FAM221A: variants seen among roughly 807,000 people sequenced by gnomAD.
FAM221A encodes the protein family with sequence similarity 221 member A, also known as protein FAM221A.
Under a neutral mutation model 37.6 loss-of-function variants are expected in FAM221A, and 43 were observed. The ratio of observed to expected loss-of-function variants is 1.15; its 90% confidence interval spans 0.90 to 1.48. The LOEUF (loss-of-function observed/expected upper bound fraction) is 1.48, where lower values mean the gene tolerates loss of function less well. FAM221A is among the 40% of genes most tolerant of loss of function. The pLI, the probability that FAM221A is intolerant of heterozygous loss-of-function variation, is 0.00. For missense variants in FAM221A, 361 were observed against 361.5 expected (o/e 1.00, Z 0.01); for synonymous variants, 135 against 132.9 (o/e 1.02, Z -0.11).
intron 3 of FAM221A, among the ~76,000 whole-genome samples, chr7:23,689,753 G>A (rs758608480): frequency 3.3e-5 from 5 of 152,126 alleles, no homozygotes; most frequent in Non-Finnish European, 4.4e-5. Context: ...AGAATTGCCA[G>A]ATGTGATCTG....
At chr7:23,686,206 T>C in intron 2 of FAM221A, 1 of 330,836 alleles carries the variant, frequency 3.0e-6, no homozygotes, top group Non-Finnish European at 5.8e-6. Context: ...TTAGTGCCAC[T>C]TTCTAATCTC....
chr7:23,700,776 TCC>T lies in FAM221A; in HGVS notation c.746-9_746-8del. The T allele has an allele frequency of 6.5e-7, 1 of 1,546,956 alleles. No individual in the cohort carries two copies. Among genetic ancestry groups the T allele is most frequent in the Admixed American group, 2.0e-5 (1 of 50,294 alleles). Reference sequence around the variant, plus strand: ...ATAAATACATTACTTAGATTTTTTTTCCTTGTTAGTAGGTACAAGTAGTCAAG... The same window carrying T: ...ATAAATACATTACTTAGATTTTTTTTTTGTTAGTAGGTACAAGTAGTCAAG... On this transcript the variant is annotated splice_polypyrimidine_tract_variant and splice_region_variant and intron_variant, in intron 5 of 6. Coordinates refer to ENST00000344962, the MANE Select transcript of FAM221A (RefSeq NM_199136.5).
intron 2 of FAM221A, chr7:23,688,865 A>G (rs1349358775): frequency 6.5e-6 from 1 of 152,860 alleles, no homozygotes; most frequent in East Asian, 1.9e-4. Context: ...CGAACTCCCG[A>G]CCTCAGGTGA....
At chr7:23,692,542 A>T in intron 4 of FAM221A, 1 of 357,616 alleles carries the variant, frequency 2.8e-6, no homozygotes, top group Non-Finnish European at 3.9e-6. Context: ...GGGTTTCTCC[A>T]TGTTGGTCAG....
chr7:23,680,929 G>A (rs1384590126), intron 1 of FAM221A: 1 of 152,262 alleles, frequency 6.6e-6, no homozygotes, highest in East Asian at 1.9e-4. Context: ...CGGAGTTGGG[G>A]CGGGAGGATG....
chr7:23,697,875 C>A (rs368003961), intron 4 of FAM221A, among the ~76,000 whole-genome samples: 3 of 152,184 alleles, frequency 2.0e-5, no homozygotes, highest in East Asian at 3.9e-4. Context: ...CTTTACCCTT[C>A]CAAGTAGGTA....
At chr7:23,688,194 AC>A (rs1372222932) in intron 2 of FAM221A, 15 of 152,014 alleles carry the variant, frequency 9.9e-5, no homozygotes, top group Admixed American at 9.8e-4. Flanking sequence ...ACAGGTGCCC[AC>A]CACCACGCTC....
rs775824411 is a variant in FAM221A at position 23,680,234 on chromosome 7, T to G, written c.16T>G (p.Leu6Val). The G allele has an allele frequency of 6.5e-7, 1 of 1,549,708 alleles. No individual in the cohort carries two copies. Among genetic ancestry groups the G allele is most frequent in the African/African-American group, 1.4e-5 (1 of 72,912 alleles). MERLT[L>V]PLGGAAAVDE... Reference sequence around the variant, plus strand: ...CCCACCGGCAATGGAGCGGTTGACGTTGCCTCTCGGCGGCGCGGCGGCGGT... The same window carrying G: ...CCCACCGGCAATGGAGCGGTTGACGGTGCCTCTCGGCGGCGCGGCGGCGGT... Residue 6 changes from leucine (L) to valine (V), a missense_variant, in exon 1 of 7, where the codon TTG becomes GTG. Coordinates refer to ENST00000344962, the MANE Select transcript of FAM221A (RefSeq NM_199136.5).
intron 2 of FAM221A, chr7:23,686,861 C>G (rs893342405): frequency 2.6e-5 from 4 of 152,054 alleles, no homozygotes; most frequent in African/African-American, 9.7e-5. Flanking sequence ...CCTCAGCTCA[C>G]TACAACCTCT....
intron 5 of FAM221A, 118 bp downstream of exon 5, chr7:23,698,417 AGCTATC>A: frequency 1.5e-6 from 1 of 662,320 alleles, no homozygotes; most frequent in Non-Finnish European, 2.6e-6. Flanking sequence ...CTTCAAGTTA[AGCTATC>A]ATTTTACTTT....
At chr7:23,681,519 A>G (rs977237289) in intron 1 of FAM221A, among the ~76,000 whole-genome samples, 2 of 152,088 alleles carry the variant, frequency 1.3e-5, no homozygotes, top group African/African-American at 4.8e-5. Flanking sequence ...TCCTGGGTTC[A>G]AGTGATTCTC....
intron 3 of FAM221A, among the ~76,000 whole-genome samples, chr7:23,691,032 A>G (rs1453660135): frequency 6.6e-6 from 1 of 151,940 alleles, no homozygotes; most frequent in African/African-American, 2.4e-5. Context: ...TTTTATGGGG[A>G]GTTGATCTGT....
intron 2 of FAM221A, chr7:23,686,409 G>A (rs914584304): frequency 4.9e-5 from 15 of 306,486 alleles, no homozygotes; most frequent in African/African-American, 1.9e-4. Flanking sequence ...GACCACAGGC[G>A]TCTGCCACCA....
chr7:23,682,493 G>A (rs1487569354), intron 1 of FAM221A, among the ~76,000 whole-genome samples: 1 of 149,908 alleles, frequency 6.7e-6, no homozygotes, highest in African/African-American at 2.4e-5. Context: ...GTGCAGTGGC[G>A]CTATCTCAGC....
chr7:23,696,216 T>G (rs1785051849), intron 4 of FAM221A, among the ~76,000 whole-genome samples: 1 of 152,140 alleles, frequency 6.6e-6, no homozygotes, highest in Non-Finnish European at 1.5e-5. Flanking sequence ...AGCATTTGTA[T>G]ATCTAAATTT....
intron 6 of FAM221A, among the ~76,000 whole-genome samples, chr7:23,701,326 G>A (rs1187706294): frequency 2.1e-5 from 3 of 141,314 alleles, no homozygotes; most frequent in African/African-American, 5.3e-5. Context: ...TGCAAGCTCC[G>A]CCTCCCGGGT....
chr7:23,697,645 G>T (rs1465649953), intron 4 of FAM221A, among the ~76,000 whole-genome samples: 1 of 152,152 alleles, frequency 6.6e-6, no homozygotes, highest in Non-Finnish European at 1.5e-5. Flanking sequence ...TTAGGGTTTT[G>T]AACTTCTATG....
intron 2 of FAM221A, 73 bp from the exon 3 acceptor site, chr7:23,689,196 A>G: frequency 1.0e-6 from 1 of 988,594 alleles, no homozygotes; most frequent in African/African-American, 1.6e-5. Context: ...ATCTGCCTTT[A>G]ATATAATAGA....
At chr7:23,692,694 A>G in intron 4 of FAM221A, 1 of 984,350 alleles carries the variant, frequency 1.0e-6, no homozygotes, top group Non-Finnish European at 1.2e-6. Flanking sequence ...AATTAAGTGG[A>G]AAAAGAAAGA....
Sources: allele counts gnomAD v4.1 joint callset (sites outside exome capture counted in the v4.1 genomes callset), GRCh38; gene constraint gnomAD v4.1.1; transcripts MANE v1.5; gene names NCBI Gene and HGNC (gene_info 2026-07-23, HGNC 2026-07-21).